CYTIP: variants seen among roughly 807,000 people sequenced by gnomAD.
CYTIP encodes the protein cytohesin 1 interacting protein.
Under a neutral mutation model 43.8 loss-of-function variants are expected in CYTIP, and 26 were observed. That is an observed-to-expected ratio of 0.59 (90% CI 0.44 to 0.82). The LOEUF is 0.82. Ranked by LOEUF, CYTIP falls within the 40% of genes least tolerant of loss-of-function variation. The probability of loss-of-function intolerance (pLI) is 0.00; values close to 1 mark genes in which losing one functional copy is unlikely to be tolerated. For missense variants in CYTIP, 426 were observed against 443.1 expected, an observed-to-expected ratio of 0.96 and a Z score of 0.35; for synonymous variants, 162 against 162.9, an observed-to-expected ratio of 0.99 and a Z score of 0.04.
intron 7 of CYTIP, 103 bp from the exon 8 acceptor site, chr2:157,416,246 G>T: frequency 1.0e-6 from 1 of 977,798 alleles, no homozygotes; most frequent in Non-Finnish European, 1.5e-6. Flanking sequence ...AAGAGTAAGG[G>T]TGAAAAATAC....
intron 6 of CYTIP, among the ~76,000 whole-genome samples, chr2:157,424,855 G>A (rs1685579010): frequency 6.6e-6 from 1 of 152,038 alleles, no homozygotes; most frequent in South Asian, 2.1e-4. Flanking sequence ...TTGACCCACG[G>A]ATCATATTAG....
chr2:157,430,060 G>C (rs1456064643), intron 5 of CYTIP, among the ~76,000 whole-genome samples: 3 of 151,524 alleles, frequency 2.0e-5, no homozygotes, highest in African/African-American at 7.3e-5. Flanking sequence ...GGAACATTTG[G>C]AACATGTGGT....
At chr2:157,421,589 C>A (rs1685522628) in intron 6 of CYTIP, among the ~76,000 whole-genome samples, 1 of 152,198 alleles carries the variant, frequency 6.6e-6, no homozygotes, top group African/African-American at 2.4e-5. Flanking sequence ...TCCCAGCTAG[C>A]CCATTGGATG....
At chr2:157,418,710 C>G (rs1685477470) in intron 6 of CYTIP, 121 bp from the exon 7 acceptor site, 1 of 780,664 alleles carries the variant, frequency 1.3e-6, no homozygotes, top group Non-Finnish European at 1.9e-6. Context: ...TCTAGTACTA[C>G]CATTCCATCT....
chr2:157,424,704 T>TAAAATTTG (rs1241011223), intron 6 of CYTIP, among the ~76,000 whole-genome samples: 1 of 151,874 alleles, frequency 6.6e-6, no homozygotes, highest in Non-Finnish European at 1.5e-5. Context: ...AATAGATAAA[T>TAAAATTTG]AAAATTTGAA....
rs554235690 is a variant in CYTIP, at chr2:157,421,693, G to A, written c.547-3104C>T. ...AAAGGACCACTGTTTCTAAAGAAGAGCCCCTGGTGCAATGAAGAGTCTTTG... is the reference window on the plus strand; with the variant it reads ...AAAGGACCACTGTTTCTAAAGAAGAACCCCTGGTGCAATGAAGAGTCTTTG... On this transcript the variant is annotated intron_variant, in intron 6 of 7. Coordinates refer to ENST00000264192, the MANE Select transcript of CYTIP (RefSeq NM_004288.5). 2.2e-4 allele frequency among the ~76,000 whole-genome samples: 33 copies of A among 152,272 alleles called. No individual in the cohort carries two copies. In the South Asian group the frequency reaches 4.3e-3, roughly 20 times the overall value.
At chr2:157,432,771 A>T (rs923643591) in intron 3 of CYTIP, among the ~76,000 whole-genome samples, 5 of 152,124 alleles carry the variant, frequency 3.3e-5, no homozygotes, top group Non-Finnish European at 5.9e-5. Context: ...GTTCTATCTG[A>T]TTTTCAAAAA....
intron 1 of CYTIP, chr2:157,438,936 C>T (rs1163198541): frequency 2.4e-6 from 1 of 424,878 alleles, no homozygotes; most frequent in Non-Finnish European, 5.0e-6. Context: ...AGATTTCATC[C>T]AATCGGTCTT....
At chr2:157,441,566 G>A (rs1685914593) in intron 1 of CYTIP, among the ~76,000 whole-genome samples, 1 of 150,236 alleles carries the variant, frequency 6.7e-6, no homozygotes, top group Non-Finnish European at 1.5e-5. Flanking sequence ...GGATGTGTGT[G>A]TGCCTGTGTG....
chr2:157,419,145 C>T (rs991150392), intron 6 of CYTIP, among the ~76,000 whole-genome samples: 4 of 152,104 alleles, frequency 2.6e-5, no homozygotes, highest in East Asian at 1.9e-4. Context: ...ATTACAGGCA[C>T]GCCCCACCAT....
chr2:157,432,527 A>G (rs1384823970), intron 3 of CYTIP, among the ~76,000 whole-genome samples: 2 of 152,136 alleles, frequency 1.3e-5, no homozygotes, highest in African/African-American at 4.8e-5. Flanking sequence ...GGTACATTGC[A>G]TGTATTATTT....
chr2:157,433,953 C>T (rs1055097025), intron 3 of CYTIP, among the ~76,000 whole-genome samples: 3 of 152,144 alleles, frequency 2.0e-5, no homozygotes, highest in South Asian at 2.1e-4. Flanking sequence ...TATAGTCTTT[C>T]GAGTGTCTCT....
intron 3 of CYTIP, among the ~76,000 whole-genome samples, chr2:157,431,453 C>A (rs1685713515): frequency 6.6e-6 from 1 of 152,138 alleles, no homozygotes. Context: ...TGCATTTATT[C>A]AAAAGTACTA....
At chr2:157,438,420 A>G (rs1177000035) in intron 1 of CYTIP, among the ~76,000 whole-genome samples, 1 of 152,204 alleles carries the variant, frequency 6.6e-6, no homozygotes, top group Admixed American at 6.5e-5. Context: ...TAAAGGATAA[A>G]AAATTACAGC....
intron 3 of CYTIP, 48 bp downstream of exon 3, chr2:157,434,322 G>A (rs72906479): frequency 1.2e-4 from 164 of 1,410,448 alleles, no homozygotes; most frequent in African/African-American, 1.0e-3. Context: ...TGACACTACC[G>A]GTGCCACTTT....
intron 1 of CYTIP, among the ~76,000 whole-genome samples, chr2:157,441,002 C>G (rs1163796585): frequency 2.0e-5 from 3 of 152,034 alleles, no homozygotes; most frequent in Admixed American, 6.6e-5. Context: ...CTGACACTTC[C>G]TATCAGTACA....
chr2:157,430,071 G>T (rs1198738208), intron 5 of CYTIP, among the ~76,000 whole-genome samples: 2 of 151,676 alleles, frequency 1.3e-5, no homozygotes, highest in Non-Finnish European at 2.9e-5. Context: ...AACATGTGGT[G>T]TGAGTATGTG....
At chr2:157,438,419 A>C (rs1376871096) in intron 1 of CYTIP, among the ~76,000 whole-genome samples, 1 of 152,204 alleles carries the variant, frequency 6.6e-6, no homozygotes, top group East Asian at 1.9e-4. Context: ...TTAAAGGATA[A>C]AAAATTACAG....
At chr2:157,440,247 G>T (rs1337310590) in intron 1 of CYTIP, among the ~76,000 whole-genome samples, 1 of 152,042 alleles carries the variant, frequency 6.6e-6, no homozygotes, top group Non-Finnish European at 1.5e-5. Context: ...GGAGCATTAG[G>T]ATATCAACGC....
Sources: gnomAD v4.1 joint callset for allele counts (sites outside exome capture counted in the v4.1 genomes callset) on GRCh38, gnomAD v4.1.1 for gene constraint, MANE v1.5 for transcripts, NCBI Gene and HGNC (gene_info 2026-07-23, HGNC 2026-07-21) for gene names.